Variants in ZNF354C observed in about 807,000 individuals in gnomAD.
ZNF354C encodes zinc finger protein 354C.
A neutral mutation model predicts 12.4 loss-of-function variants in ZNF354C; 7 were observed. The observed-to-expected ratio is 0.56, with a 90% CI of 0.32 to 1.06. The LOEUF (loss-of-function observed/expected upper bound fraction) is 1.06. Among genes scored for constraint, ZNF354C ranks in the 50% least tolerant of loss-of-function variants. The probability of loss-of-function intolerance (pLI) is 0.04; values close to 1 mark genes in which losing one functional copy is unlikely to be tolerated. For synonymous variants in ZNF354C, 202 were observed against 224.5 expected, an observed-to-expected ratio of 0.90 and a Z score of 0.90; for missense variants, 609 against 658.0, an observed-to-expected ratio of 0.93 and a Z score of 0.81.
chr5:179,075,434 T>TAAATA (rs60231214), intron 2 of ZNF354C, among the ~76,000 whole-genome samples: 9 of 151,064 alleles, frequency 6.0e-5, no homozygotes, highest in South Asian at 2.1e-4. Context: ...AAAAAAATTA[T>TAAATA]AAATAAAATA....
rs771547476 is a variant in ZNF354C, at chr5:179,080,121, C to T, written c.*24C>T. 6.8e-7 allele frequency: 1 copy of T among 1,477,626 alleles called. No individual in the cohort carries two copies. The highest frequency in any genetic ancestry group is 1.4e-5 in the South Asian group (1 of 73,646). 91.5% of individuals were successfully genotyped at this position (1,477,626 alleles called of 1,614,324 possible). On this transcript the variant is annotated 3_prime_UTR_variant, in exon 5 of 5. Coordinates refer to ENST00000315475, the MANE Select transcript of ZNF354C (RefSeq NM_014594.3). ...AGTTCATCTCTCAAATAATCCAAGA[C>T]TTCTCACTGGGGAATAAGGGAATAA... is the stretch of plus-strand genomic sequence containing the variant.
intron 1 of ZNF354C, among the ~76,000 whole-genome samples, chr5:179,061,190 A>G (rs567935909): frequency 6.6e-6 from 1 of 152,314 alleles, no homozygotes; most frequent in South Asian, 2.1e-4. Flanking sequence ...GGTTGGCTCC[A>G]TGCTAGGGGG....
At chr5:179,075,751 G>A (rs144818982) in intron 2 of ZNF354C, among the ~76,000 whole-genome samples, 2 of 152,262 alleles carry the variant, frequency 1.3e-5, no homozygotes, top group Non-Finnish European at 2.9e-5. Context: ...AAATTCCAGT[G>A]TCATAGAGAT....
In ZNF354C at chr5:179,062,917, C is replaced by T. The variant is rs569197515; in HGVS notation, c.27+822C>T. On this transcript the variant is annotated intron_variant, in intron 2 of 4. Coordinates refer to ENST00000315475, the MANE Select transcript of ZNF354C (RefSeq NM_014594.3). ...CCATTTTCATTACTTTAACCCTCAG[C>T]GTTCTGAGTATCTTCCCCAAATCTG... Among the ~76,000 whole-genome samples the T allele has an allele frequency of 3.9e-5, 6 of 152,250 alleles. No individual in the cohort carries two copies. In the South Asian group the frequency reaches 1.2e-3, roughly 32 times the overall value.
At chr5:179,074,559 C>T (rs1371427529) in intron 2 of ZNF354C, among the ~76,000 whole-genome samples, 2 of 152,164 alleles carry the variant, frequency 1.3e-5, no homozygotes, top group Non-Finnish European at 2.9e-5. Context: ...GCTGAGAGTT[C>T]CTCCTTTGAG....
In ZNF354C at chr5:179,061,958, T is replaced by C. The variant is rs963484795; in HGVS notation, c.-54-57T>C. The C allele has an allele frequency of 1.1e-5, 14 of 1,220,826 alleles. No homozygotes were observed. In the African/African-American group the frequency reaches 1.9e-4, roughly 17 times the overall value. The allele number at this position is 1,220,826 out of a possible 1,614,324, so 75.6% of individuals were successfully genotyped here. ...GACATTATGGGCGGTTGTAACTTCC[T>C]CTCTCCAAGCCATCTCCTGACGCCA... On this transcript the variant is annotated intron_variant, in intron 1 of 4. Coordinates refer to ENST00000315475, the MANE Select transcript of ZNF354C (RefSeq NM_014594.3).
At chr5:179,062,561 G>A (rs1423601629) in intron 2 of ZNF354C, among the ~76,000 whole-genome samples, 4 of 152,182 alleles carry the variant, frequency 2.6e-5, no homozygotes, top group Non-Finnish European at 5.9e-5. Context: ...TCGTGGTATC[G>A]ATCTTAGGAA....
At chr5:179,062,192 A>C (rs1213466180) in intron 2 of ZNF354C, 97 bp downstream of exon 2, 1 of 1,501,040 alleles carries the variant, frequency 6.7e-7, no homozygotes, top group Non-Finnish European at 9.3e-7. Flanking sequence ...TTTTTGGTCC[A>C]ACCAAAACGA....
In ZNF354C at chr5:179,083,657, T is replaced by A. The variant is rs1017485854; in HGVS notation, c.*3560T>A. 12 of 152,212 alleles carry A rather than the reference T, an allele frequency of 7.9e-5. No individual in the cohort carries two copies. Among genetic ancestry groups the A allele is most frequent in the African/African-American group, 2.4e-5 (1 of 41,446 alleles). The allele number at this position is 152,212 out of a possible 1,614,324, so 9.4% of individuals were successfully genotyped here. A position where few individuals can be genotyped will look rare whatever the true frequency, so the allele number is the denominator to read the frequency against. On this transcript the variant is annotated 3_prime_UTR_variant, in exon 5 of 5. Coordinates refer to ENST00000315475, the MANE Select transcript of ZNF354C (RefSeq NM_014594.3). ...AATAAAGTAACTAGGTGGTACCAGTTCTCCTTTAAATGGAATGAGCATGTT... is the reference window on the plus strand; with the variant it reads ...AATAAAGTAACTAGGTGGTACCAGTACTCCTTTAAATGGAATGAGCATGTT...
Position 179,082,628 on chromosome 5 carries a change from C to T in ZNF354C, c.*2531C>T. The T allele has an allele frequency of 1.4e-6, 2 of 1,417,008 alleles. No individual in the cohort carries two copies. The highest frequency in any genetic ancestry group is 2.0e-6 in the Non-Finnish European group (2 of 1,004,208). 87.8% of individuals were successfully genotyped at this position (1,417,008 alleles called of 1,614,324 possible). Reference sequence around the variant, plus strand: ...ATTCAGAAACCTTCACCAGATTCCTCCCAACTTGATCATAGTGGATTAATG... The same window carrying T: ...ATTCAGAAACCTTCACCAGATTCCTTCCAACTTGATCATAGTGGATTAATG... On this transcript the variant is annotated 3_prime_UTR_variant, in exon 5 of 5. Transcript: ENST00000315475.
intron 2 of ZNF354C, among the ~76,000 whole-genome samples, chr5:179,067,391 C>T (rs76915744): frequency 0.15 from 22,366 of 152,056 alleles, 2,145 homozygotes; most frequent in Middle Eastern, 0.24. Context: ...ACTACTTTTT[C>T]TTGGAAGTTA....
Position 179,080,654 on chromosome 5 carries a change from ATGTG to A in ZNF354C, c.*565_*568del, listed in dbSNP as rs750836807. 6.6e-6 allele frequency: 1 copy of A among 152,168 alleles called. No homozygotes were observed. The highest frequency in any genetic ancestry group is 2.4e-5 in the African/African-American group (1 of 41,444). 9.4% of individuals were successfully genotyped at this position (152,168 alleles called of 1,614,324 possible). A position where few individuals can be genotyped will look rare whatever the true frequency, so the allele number is the denominator to read the frequency against. On this transcript the variant is annotated 3_prime_UTR_variant, in exon 5 of 5. Transcript: ENST00000315475. ...TAAACATACATATATACACATATGCATGTGTGTGTGTAAACATAAAAGTCCTTTA... is the reference window on the plus strand; with the variant it reads ...TAAACATACATATATACACATATGCATGTGTGTAAACATAAAAGTCCTTTA...
At position 179,079,463 on chromosome 5, in the gene ZNF354C, A is replaced by C; in HGVS notation, c.1031A>C (p.His344Pro). Residue 344 changes from histidine to proline, a missense_variant, in exon 5 of 5, where the codon CAC (histidine) becomes CCC (proline). Transcript: ENST00000315475. This position sits in a 1 kb window ranked among gnomAD's most constrained non-coding sequence, Gnocchi z 4.2. ...EKAFNCRAKL[H>P]RHQRIHTGEK... ...GCCTTCAACTGTAGAGCAAAACTTC[A>C]CAGGCATCAAAGAATCCATACAGGT... 1 of 1,613,852 alleles carries C rather than the reference A, an allele frequency of 6.2e-7. No individual in the cohort carries two copies. The highest frequency in any genetic ancestry group is 8.5e-7 in the Non-Finnish European group (1 of 1,179,946).
At chr5:179,077,695 A>G (rs997929721) in intron 4 of ZNF354C, among the ~76,000 whole-genome samples, 1 of 151,886 alleles carries the variant, frequency 6.6e-6, no homozygotes, top group African/African-American at 2.4e-5. Flanking sequence ...GGGGTGATTT[A>G]CTCCATGTTT....
intron 2 of ZNF354C, among the ~76,000 whole-genome samples, chr5:179,065,757 G>T (rs888585919): frequency 6.6e-6 from 1 of 152,188 alleles, no homozygotes; most frequent in East Asian, 1.9e-4. Flanking sequence ...TGTGATTTGC[G>T]TGATGTTTTT....
chr5:179,061,915 C>T, intron 1 of ZNF354C, 100 bp from the exon 2 acceptor site: 1 of 829,570 alleles, frequency 1.2e-6, no homozygotes, highest in Non-Finnish European at 2.1e-6. Context: ...CGGGGGGTGG[C>T]TTTTTTGAGA....
intron 2 of ZNF354C, 84 bp downstream of exon 2, chr5:179,062,179 T>C: frequency 6.3e-7 from 1 of 1,575,038 alleles, no homozygotes; most frequent in South Asian, 1.1e-5. Flanking sequence ...TTTGTCCAGG[T>C]ACTTTTTGGT....
Position 179,079,432 on chromosome 5 carries a change from G to A in ZNF354C, c.1000G>A (p.Glu334Lys). 3 of 1,614,066 alleles carry A rather than the reference G, an allele frequency of 1.9e-6. No individual in the cohort carries two copies. In the South Asian group the frequency reaches 3.3e-5, roughly 18 times the overall value. Residue 334 changes from glutamate (E) to lysine (K), a missense_variant, in exon 5 of 5, where the codon GAG becomes AAG. Transcript: ENST00000315475. The surrounding 1 kb of genome is among the most constrained non-coding windows in gnomAD (Gnocchi z 4.2). ...GEKLYKCGECEKAFNCRAKLH... is the reference protein window; with the variant it reads ...GEKLYKCGECKKAFNCRAKLH... Reference sequence around the variant, plus strand: ...GAAACTCTATAAATGCGGCGAATGTGAGAAGGCCTTCAACTGTAGAGCAAA... The same window carrying A: ...GAAACTCTATAAATGCGGCGAATGTAAGAAGGCCTTCAACTGTAGAGCAAA...
intron 2 of ZNF354C, among the ~76,000 whole-genome samples, chr5:179,067,899 C>A (rs867733818): frequency 2.0e-5 from 3 of 151,946 alleles, no homozygotes; most frequent in South Asian, 4.1e-4. Flanking sequence ...GTGGCTCACG[C>A]CTGTAATTTC....
Sources: gnomAD v4.1 joint callset for allele counts (sites outside exome capture counted in the v4.1 genomes callset) on GRCh38, gnomAD v4.1.1 for gene constraint, Gnocchi (gnomAD v3.1) non-coding constraint, MANE v1.5 for transcripts, NCBI Gene and HGNC (gene_info 2026-07-23, HGNC 2026-07-21) for gene names.